The following SRD5A2 variants were observed in gnomAD, a reference collection of about 807,000 sequenced individuals.
The protein encoded by SRD5A2 is steroid 5 alpha-reductase 2.
A neutral mutation model predicts 27.4 loss-of-function variants in SRD5A2; 30 were observed. That is an observed-to-expected ratio of 1.10 (90% CI 0.82 to 1.49). The LOEUF (loss-of-function observed/expected upper bound fraction) is 1.49. SRD5A2 is among the 40% of genes most tolerant of loss of function. The pLI, the probability that SRD5A2 is intolerant of heterozygous loss-of-function variation, is 0.00. For missense variants in SRD5A2, 348 were observed against 323.4 expected, an observed-to-expected ratio of 1.08 and a Z score of -0.58; for synonymous variants, 141 against 133.6, an observed-to-expected ratio of 1.06 and a Z score of -0.38.
At chr2:31,642,283 G>T in the SRD5A2 span, among the ~76,000 whole-genome samples, 1 of 151,986 alleles carries the variant, frequency 6.6e-6, no homozygotes, top group Non-Finnish European at 1.5e-5. Context: ...ACCTGAAACT[G>T]TAAAACTTCA....
At chr2:31,571,406 C>A (rs1666846784) in intron 1 of SRD5A2, among the ~76,000 whole-genome samples, 1 of 152,102 alleles carries the variant, frequency 6.6e-6, no homozygotes, top group African/African-American at 2.4e-5. Context: ...AAACCTAAAA[C>A]CATAAACACC....
At chr2:31,588,540 A>G in the SRD5A2 span, among the ~76,000 whole-genome samples, 2 of 152,210 alleles carry the variant, frequency 1.3e-5, no homozygotes, top group African/African-American at 2.4e-5. Flanking sequence ...TATTATGCAA[A>G]CATGGAAGAG....
At chr2:31,531,879 C>A (rs968373942) in intron 2 of SRD5A2, among the ~76,000 whole-genome samples, 2 of 152,190 alleles carry the variant, frequency 1.3e-5, no homozygotes, top group African/African-American at 2.4e-5. Flanking sequence ...TGCCATCCCC[C>A]ACTACAGAGG....
intron 1 of SRD5A2, among the ~76,000 whole-genome samples, chr2:31,549,118 A>ATTATTATTG (rs1197286408): frequency 8.7e-4 from 126 of 145,664 alleles, no homozygotes; most frequent in Non-Finnish European, 1.6e-3. Flanking sequence ...TATTATTATT[A>ATTATTATTG]TTATTATTAT....
At chr2:31,531,848 T>C (rs999650647) in intron 2 of SRD5A2, among the ~76,000 whole-genome samples, 1 of 152,222 alleles carries the variant, frequency 6.6e-6, no homozygotes, top group Non-Finnish European at 1.5e-5. Flanking sequence ...TCTCAACAGC[T>C]GATTCCAGCC....
At chr2:31,536,748 C>T (rs1386879696) in intron 1 of SRD5A2, among the ~76,000 whole-genome samples, 1 of 152,192 alleles carries the variant, frequency 6.6e-6, no homozygotes, top group Non-Finnish European at 1.5e-5. Context: ...GGGAGAGAGT[C>T]TATTAGCCCA....
At chr2:31,582,839 C>T (rs763110607), upstream of SRD5A2, among the ~76,000 whole-genome samples, 2 of 152,168 alleles carry the variant, frequency 1.3e-5, no homozygotes, top group African/African-American at 2.4e-5. Flanking sequence ...AGGAAGCTGG[C>T]TCATAGACTC....
At chr2:31,639,154 T>C in the SRD5A2 span, among the ~76,000 whole-genome samples, 2 of 152,074 alleles carry the variant, frequency 1.3e-5, no homozygotes, top group African/African-American at 4.8e-5. Flanking sequence ...TGACAACTTA[T>C]CTTAGATCAC....
chr2:31,602,776 T>C, the SRD5A2 span, among the ~76,000 whole-genome samples: 1 of 151,622 alleles, frequency 6.6e-6, no homozygotes, highest in Admixed American at 6.6e-5. Context: ...CATCTGAACT[T>C]TGACAAAACT....
intron 1 of SRD5A2, among the ~76,000 whole-genome samples, chr2:31,579,941 G>A (rs1236819702): frequency 6.6e-6 from 1 of 152,194 alleles, no homozygotes; most frequent in African/African-American, 2.4e-5. Context: ...AGGGAAATTG[G>A]AAAGGTAGAT....
chr2:31,620,048 T>C, the SRD5A2 span, among the ~76,000 whole-genome samples: 1 of 152,256 alleles, frequency 6.6e-6, no homozygotes, highest in Admixed American at 6.6e-5. Context: ...GCTTATGTTG[T>C]CTTCCAGGTT....
At chr2:31,641,564 T>C in the SRD5A2 span, among the ~76,000 whole-genome samples, 2 of 152,138 alleles carry the variant, frequency 1.3e-5, no homozygotes, top group Non-Finnish European at 2.9e-5. Context: ...ATAAAAATCT[T>C]CAACAATATA....
the SRD5A2 span, among the ~76,000 whole-genome samples, chr2:31,627,159 G>T: frequency 9.2e-5 from 14 of 152,226 alleles, no homozygotes; most frequent in African/African-American, 3.4e-4. Context: ...AGTATTTATA[G>T]TATTATCTCA....
intron 4 of SRD5A2, 51 bp downstream of exon 4, chr2:31,529,256 T>C (rs1336708802): frequency 6.2e-7 from 1 of 1,607,486 alleles, no homozygotes; most frequent in Non-Finnish European, 8.5e-7. Flanking sequence ...AAAGCCTGTT[T>C]GGAGAAGAAG....
rs1348952942 is a variant in SRD5A2 at position 31,523,240 on chromosome 2, G to T, written c.*2956C>A. The T allele has an allele frequency of 4.6e-6, 1 of 216,282 alleles. No homozygotes were observed. Among genetic ancestry groups the T allele is most frequent in the African/African-American group, 2.3e-5 (1 of 44,366 alleles). The allele number at this position is 216,282 out of a possible 1,614,324, so 13.4% of individuals were successfully genotyped here. Reference sequence around the variant, plus strand: ...TAGGTTTATGAAAGGGCATGAGCCTGGTGCTCCCACGGAGCGAGGGAAGCC... The same window carrying T: ...TAGGTTTATGAAAGGGCATGAGCCTTGTGCTCCCACGGAGCGAGGGAAGCC... On this transcript the variant is annotated 3_prime_UTR_variant, in exon 5 of 5. Coordinates refer to ENST00000622030, the MANE Select transcript of SRD5A2 (RefSeq NM_000348.4).
the SRD5A2 span, among the ~76,000 whole-genome samples, chr2:31,662,880 G>T: frequency 2.6e-5 from 4 of 152,028 alleles, no homozygotes; most frequent in East Asian, 7.7e-4. Flanking sequence ...CATTTCTGAG[G>T]CCACTTGGTG....
chr2:31,617,859 G>T, the SRD5A2 span, among the ~76,000 whole-genome samples: 1 of 152,132 alleles, frequency 6.6e-6, no homozygotes, highest in African/African-American at 2.4e-5. Context: ...ACATTTTCCT[G>T]TCTTCTTTTG....
At chr2:31,653,677 G>C in the SRD5A2 span, among the ~76,000 whole-genome samples, 1 of 151,056 alleles carries the variant, frequency 6.6e-6, no homozygotes, top group African/African-American at 2.4e-5. Flanking sequence ...TTTTCTTTTT[G>C]AGACGGAGTT....
upstream of SRD5A2, among the ~76,000 whole-genome samples, chr2:31,581,567 C>T (rs571509908): frequency 6.6e-6 from 1 of 152,340 alleles, no homozygotes; most frequent in African/African-American, 2.4e-5. Context: ...GCCCTAATTC[C>T]TCAGCGGTTT....
Sources: allele counts gnomAD v4.1 joint callset (sites outside exome capture counted in the v4.1 genomes callset), GRCh38; gene constraint gnomAD v4.1.1; transcripts MANE v1.5; gene names NCBI Gene and HGNC (gene_info 2026-07-23, HGNC 2026-07-21).